TRPS1: variants seen among roughly 807,000 people sequenced by gnomAD.
TRPS1 encodes transcriptional repressor GATA binding 1.
A neutral mutation model predicts 101.2 loss-of-function variants in TRPS1; 6 were observed. That is an observed-to-expected ratio of 0.06 (90% CI 0.03 to 0.12). The LOEUF is 0.12. Ranked by LOEUF, TRPS1 falls within the 10% of genes least tolerant of loss-of-function variation. TRPS1 has a pLI of 1.00. For missense variants in TRPS1, 1,363 were observed against 1,567.0 expected (o/e 0.87, Z 2.20); for synonymous variants, 578 against 589.8 (o/e 0.98, Z 0.29).
chr8:115,649,085 A>G (rs757662261), intron 1 of TRPS1, among the ~76,000 whole-genome samples: 4 of 152,236 alleles, frequency 2.6e-5, no homozygotes, highest in Admixed American at 6.5e-5. Context: ...TTAAACTAAT[A>G]GAGTTCTTTT....
At chr8:115,510,922 T>C (rs1361215743) in intron 5 of TRPS1, 1 of 151,976 alleles carries the variant, frequency 6.6e-6, no homozygotes, top group Non-Finnish European at 1.5e-5. Context: ...TTTCAGGATG[T>C]AGTAAAGCAA....
intron 5 of TRPS1, among the ~76,000 whole-genome samples, chr8:115,553,643 G>T (rs4633093): frequency 6.6e-6 from 1 of 152,118 alleles, no homozygotes; most frequent in Admixed American, 6.6e-5. Flanking sequence ...TTATTTAGGA[G>T]AATGTAAATG....
intron 5 of TRPS1, among the ~76,000 whole-genome samples, chr8:115,532,299 T>G (rs1413188903): frequency 6.6e-6 from 1 of 152,050 alleles, no homozygotes; most frequent in African/African-American, 2.4e-5. Context: ...ACAGCAAATA[T>G]TTGACTGATG....
intron 5 of TRPS1, among the ~76,000 whole-genome samples, chr8:115,549,496 T>C (rs902470640): frequency 2.6e-5 from 4 of 152,096 alleles, no homozygotes; most frequent in African/African-American, 7.2e-5. Context: ...ATATAGTCCA[T>C]TGTACTCCAA....
chr8:115,604,452 T>A lies in TRPS1; in HGVS notation c.1517A>T (p.Glu506Val). The A allele has an allele frequency of 6.2e-7, 1 of 1,614,094 alleles. No individual in the cohort carries two copies. The highest frequency in any genetic ancestry group is 8.5e-7 in the Non-Finnish European group (1 of 1,179,994). The change falls in exon 4 of 7, where the codon GAG (glutamate) becomes GTG (valine). Residue 506 changes from glutamate to valine, a missense_variant. Physicochemically the swap from Glu to Val is moderately radical, Grantham distance 121 (BLOSUM62 -2). Transcript: ENST00000395715. The surrounding 1 kb of genome is among the most constrained non-coding windows in gnomAD (Gnocchi z 4.1). ...GCTCTTGTCTGTCTTGGTCATTGTCTCTCCTTCTGAACTTTTGGCTAGATC... is the reference window on the plus strand; with the variant it reads ...GCTCTTGTCTGTCTTGGTCATTGTCACTCCTTCTGAACTTTTGGCTAGATC... The part of the protein sequence containing the change: ...QNDLAKSSEG[E>V]TMTKTDKSSS...
chr8:115,516,410 A>T (rs905481827), intron 5 of TRPS1, among the ~76,000 whole-genome samples: 4 of 151,542 alleles, frequency 2.6e-5, no homozygotes, highest in Non-Finnish European at 5.9e-5. Context: ...ACACAATGTG[A>T]GTGAAAAAAA....
intron 5 of TRPS1, among the ~76,000 whole-genome samples, chr8:115,581,642 C>T (rs1817455417): frequency 6.6e-6 from 1 of 152,080 alleles, no homozygotes; most frequent in Non-Finnish European, 1.5e-5. Context: ...AACCAAACTT[C>T]TATACCTATG....
intron 1 of TRPS1, among the ~76,000 whole-genome samples, chr8:115,638,789 T>C (rs1180582693): frequency 6.6e-6 from 1 of 152,180 alleles, no homozygotes; most frequent in East Asian, 1.9e-4. Context: ...CACAGTAATA[T>C]GTATAATTGG....
In TRPS1 at chr8:115,413,721, G is replaced by C. The variant is rs1812842925; in HGVS notation, c.*302C>G. 3.1e-6 allele frequency: 1 copy of C among 317,686 alleles called. No individual in the cohort carries two copies. The highest frequency in any genetic ancestry group is 4.3e-5 in the South Asian group (1 of 23,334). 19.7% of individuals were successfully genotyped at this position (317,686 alleles called of 1,614,324 possible). Reference sequence around the variant, plus strand: ...TTTCTTTATAAATATATTAATTCTAGTCTGGTGATATCTCTTATGGATTAT... The same window carrying C: ...TTTCTTTATAAATATATTAATTCTACTCTGGTGATATCTCTTATGGATTAT... On this transcript the variant is annotated 3_prime_UTR_variant, in exon 7 of 7. Transcript: ENST00000395715.
chr8:115,623,426 T>C (rs1309456791), intron 2 of TRPS1, among the ~76,000 whole-genome samples, 175 bp downstream of exon 2: 5 of 152,046 alleles, frequency 3.3e-5, no homozygotes, highest in Middle Eastern at 3.2e-3. Flanking sequence ...ATAAGCACAT[T>C]TGTCATACTT....
chr8:115,641,412 C>T (rs1191610824), intron 1 of TRPS1, among the ~76,000 whole-genome samples: 3 of 152,134 alleles, frequency 2.0e-5, no homozygotes, highest in Admixed American at 1.3e-4. Flanking sequence ...GATGACTGCC[C>T]AAAAAGGGGC....
intron 5 of TRPS1, among the ~76,000 whole-genome samples, chr8:115,578,144 A>G (rs543919101): frequency 6.6e-6 from 1 of 152,302 alleles, no homozygotes; most frequent in East Asian, 1.9e-4. Flanking sequence ...TGTATCGGAC[A>G]TGTACTGTAT....
At chr8:115,475,289 TA>T (rs1563757517) in intron 5 of TRPS1, among the ~76,000 whole-genome samples, 1 of 67,402 alleles carries the variant, frequency 1.5e-5, no homozygotes, top group East Asian at 2.8e-4. Flanking sequence ...TATATATATA[TA>T]TATATATATA....
chr8:115,490,260 C>T (rs367669882), intron 5 of TRPS1, among the ~76,000 whole-genome samples: 4 of 151,954 alleles, frequency 2.6e-5, no homozygotes, highest in Non-Finnish European at 4.4e-5. Context: ...AAAGTAAAAC[C>T]GTGAAATAAC....
rs1554622479 is a variant in TRPS1, at chr8:115,455,775, C to CTTTCTTT, written c.2701-37324_2701-37323insAAAGAAA. Among the ~76,000 whole-genome samples the CTTTCTTT allele has an allele frequency of 5.4e-3, 643 of 119,982 alleles. 8 individuals carry two copies. The highest frequency in any genetic ancestry group is 0.02 in the African/African-American group (601 of 29,624). The allele number at this position is 119,982 out of a possible 152,430, so 78.7% of individuals were successfully genotyped here. On this transcript the variant is annotated intron_variant, in intron 5 of 6. Coordinates refer to ENST00000395715, the MANE Select transcript of TRPS1 (RefSeq NM_014112.5). ...TTTCTTTTTCTTTCTTTCTTTCTTT[C>CTTTCTTT]TTTTTTTTTTTTTTTTTGAGACAGA...
intron 5 of TRPS1, among the ~76,000 whole-genome samples, chr8:115,518,556 T>C (rs990627446): frequency 5.9e-5 from 9 of 151,836 alleles, no homozygotes; most frequent in African/African-American, 1.9e-4. Context: ...ATATTAATTT[T>C]TGTCCTAAAG....
At chr8:115,451,032 C>T (rs779152798) in intron 5 of TRPS1, among the ~76,000 whole-genome samples, 6 of 152,166 alleles carry the variant, frequency 3.9e-5, no homozygotes, top group Non-Finnish European at 7.4e-5. Flanking sequence ...TCCTAGCATT[C>T]GGCAAATTCT....
Position 115,418,260 on chromosome 8 carries a change from T to C in TRPS1, c.2823+70A>G. The C allele has an allele frequency of 3.7e-6, 6 of 1,613,228 alleles. No homozygotes were observed. The Admixed American group carries it at 6.7e-5, about 18-fold the overall frequency. On this transcript the variant is annotated intron_variant, in intron 6 of 6. Transcript: ENST00000395715. The surrounding 1 kb of genome is among the most constrained non-coding windows in gnomAD (Gnocchi z 4.3). ...GGCACTGCAAGCCAGGGAATGGGAC[T>C]TATCACACCACAGACCAGGCCAACA...
At chr8:115,461,251 GGATAGATAGATA>G (rs67435707) in intron 5 of TRPS1, among the ~76,000 whole-genome samples, 38 of 144,842 alleles carry the variant, frequency 2.6e-4, no homozygotes, top group South Asian at 1.1e-3. Context: ...AAATAGACAA[GGATAGATAGATA>G]GATAGATAGA....
Sources: allele counts gnomAD v4.1 joint callset (sites outside exome capture counted in the v4.1 genomes callset), GRCh38; gene constraint gnomAD v4.1.1; non-coding constraint Gnocchi (gnomAD v3.1); transcripts MANE v1.5; gene names NCBI Gene and HGNC (gene_info 2026-07-23, HGNC 2026-07-21).